ZMYND11: variants seen among roughly 807,000 people sequenced by gnomAD.
The protein encoded by ZMYND11 is zinc finger MYND domain-containing protein 11.
ZMYND11 carries 9 observed loss-of-function variants against 84.9 expected under a neutral mutation model. The observed-to-expected ratio is 0.11, with a 90% CI of 0.06 to 0.18. The LOEUF is 0.18. Among genes scored for constraint, ZMYND11 ranks in the 10% least tolerant of loss-of-function variants. The pLI, the probability that ZMYND11 is intolerant of heterozygous loss-of-function variation, is 1.00. For synonymous variants in ZMYND11, 250 were observed against 244.1 expected (o/e 1.02, Z -0.23); for missense variants, 409 against 761.0 (o/e 0.54, Z 5.44).
intron 3 of ZMYND11, among the ~76,000 whole-genome samples, chr10:216,483 T>A (rs958773461): frequency 1.3e-5 from 2 of 152,226 alleles, no homozygotes; most frequent in African/African-American, 2.4e-5. Context: ...CTTTTGTTAA[T>A]TTTTAATTTT....
At chr10:139,466 G>A (rs1836942686) in intron 1 of ZMYND11, among the ~76,000 whole-genome samples, 1 of 152,136 alleles carries the variant, frequency 6.6e-6, no homozygotes, top group Non-Finnish European at 1.5e-5. Context: ...CAAAACAAAT[G>A]TAAATCTGCT....
chr10:237,243 C>G (rs937124106), intron 5 of ZMYND11, among the ~76,000 whole-genome samples: 1 of 152,152 alleles, frequency 6.6e-6, no homozygotes, highest in Non-Finnish European at 1.5e-5. Context: ...TTCAAAATAA[C>G]TATTCTATCA....
chr10:167,660 A>G (rs531634321), intron 1 of ZMYND11, among the ~76,000 whole-genome samples: 2 of 152,212 alleles, frequency 1.3e-5, no homozygotes, highest in African/African-American at 2.4e-5. Context: ...TCCATGTTCT[A>G]TGCCTGCCAC....
chr10:185,215 T>C (rs1937882224), intron 2 of ZMYND11, among the ~76,000 whole-genome samples: 1 of 152,084 alleles, frequency 6.6e-6, no homozygotes, highest in African/African-American at 2.4e-5. Flanking sequence ...CCTCCTATAC[T>C]CTCTGTTCCA....
intron 10 of ZMYND11, chr10:244,429 G>A (rs1951698277): frequency 6.6e-6 from 1 of 152,242 alleles, no homozygotes; most frequent in Non-Finnish European, 1.5e-5. Context: ...TCCAGCAAAA[G>A]AGTCGAGTAT....
intron 10 of ZMYND11, among the ~76,000 whole-genome samples, chr10:246,027 G>A (rs2131903190): frequency 6.6e-6 from 1 of 152,278 alleles, no homozygotes; most frequent in East Asian, 1.9e-4. Context: ...AACATCTGTT[G>A]AACACAACAT....
At chr10:250,135 G>C (rs1164776251) in intron 14 of ZMYND11, among the ~76,000 whole-genome samples, 2 of 152,238 alleles carry the variant, frequency 1.3e-5, no homozygotes, top group African/African-American at 2.4e-5. Flanking sequence ...TTGAGGAGCT[G>C]ACAAGCTCTG....
At chr10:227,959 A>C (rs1164798193) in intron 4 of ZMYND11, among the ~76,000 whole-genome samples, 1 of 152,194 alleles carries the variant, frequency 6.6e-6, no homozygotes, top group Non-Finnish European at 1.5e-5. Flanking sequence ...ATGAACATTA[A>C]TCAAATATTT....
intron 1 of ZMYND11, among the ~76,000 whole-genome samples, chr10:149,796 A>G (rs1020295264): frequency 1.3e-5 from 2 of 152,206 alleles, no homozygotes; most frequent in African/African-American, 4.8e-5. Context: ...AGAAAGGCTG[A>G]AACAGAGTCT....
intron 2 of ZMYND11, among the ~76,000 whole-genome samples, chr10:187,236 CA>C (rs1041763271): frequency 1.3e-5 from 2 of 151,856 alleles, no homozygotes; most frequent in East Asian, 3.9e-4. Flanking sequence ...AAAACAAAAA[CA>C]AAACGAAACA....
intron 1 of ZMYND11, among the ~76,000 whole-genome samples, chr10:152,708 G>A (rs185809059): frequency 7.1e-4 from 108 of 152,170 alleles, no homozygotes; most frequent in African/African-American, 2.5e-3. Context: ...TGCACCAAGC[G>A]GACCTACTAG....
chr10:240,787 C>A, intron 8 of ZMYND11, 106 bp from the exon 9 acceptor site: 1 of 868,534 alleles, frequency 1.2e-6, no homozygotes, highest in South Asian at 1.8e-5. Context: ...AAACAAAATT[C>A]AACACTATTT....
chr10:237,651 G>T lies in ZMYND11; in HGVS notation c.583G>T (p.Ala195Ser). Residue 195 changes from alanine to serine, a missense_variant, in exon 6 of 15, where the codon GCT (alanine) becomes TCT (serine). Transcript: ENST00000381604. ...GATGTACAGGAGGCTGGTGCACTCAGCTGTGGACGTTCCCACCATTCAAGA... is the reference window on the plus strand; with the variant it reads ...GATGTACAGGAGGCTGGTGCACTCATCTGTGGACGTTCCCACCATTCAAGA... ...HPMYRRLVHS[A>S]VDVPTIQEKV... is the part of the protein sequence containing the mutation. The T allele has an allele frequency of 2.5e-6, 4 of 1,612,450 alleles. No homozygotes were observed. The highest frequency in any genetic ancestry group is 3.4e-6 in the Non-Finnish European group (4 of 1,179,540).
chr10:238,002 T>C (rs1161245622), intron 6 of ZMYND11, among the ~76,000 whole-genome samples: 1 of 152,182 alleles, frequency 6.6e-6, no homozygotes, highest in Non-Finnish European at 1.5e-5. Flanking sequence ...GTAAAGAATG[T>C]TTTCCAGGTT....
At chr10:236,965 T>C in intron 5 of ZMYND11, 50 bp downstream of exon 5, 1 of 1,517,884 alleles carries the variant, frequency 6.6e-7, no homozygotes, top group South Asian at 1.2e-5. Context: ...CACATTTTAC[T>C]ATGGTTCATT....
intron 1 of ZMYND11, among the ~76,000 whole-genome samples, chr10:156,565 T>A (rs1841772725): frequency 6.6e-6 from 1 of 152,234 alleles, no homozygotes; most frequent in Admixed American, 6.5e-5. Flanking sequence ...AGCATAAATA[T>A]GCTATATGCT....
rs371058057 is a variant in ZMYND11 at position 168,618 on chromosome 10, G to A, written c.-19-11376G>A. Among the ~76,000 whole-genome samples the A allele has an allele frequency of 2.2e-4, 34 of 152,098 alleles. 1 individual carries two copies. In the East Asian group the frequency reaches 2.3e-3, roughly 10 times the overall value. On this transcript the variant is annotated intron_variant, in intron 1 of 14. Coordinates refer to ENST00000381604, the MANE Select transcript of ZMYND11 (RefSeq NM_001370100.5). The stretch of plus-strand genomic sequence containing the variant: ...CCATGGTTTACAGCCTGGCATGTAA[G>A]GAGCTCATAAGTAACCATGCTGTCC...
At chr10:186,845 C>T (rs919079772) in intron 2 of ZMYND11, among the ~76,000 whole-genome samples, 6 of 151,934 alleles carry the variant, frequency 3.9e-5, no homozygotes, top group African/African-American at 1.5e-4. Context: ...TTTAACTTGG[C>T]GGAGTTCATA....
intron 1 of ZMYND11, among the ~76,000 whole-genome samples, chr10:175,487 T>C (rs1846397412): frequency 6.6e-6 from 1 of 152,152 alleles, no homozygotes; most frequent in Non-Finnish European, 1.5e-5. Flanking sequence ...GAGAATCACT[T>C]GAACCTGGGA....
Sources: gnomAD v4.1 joint callset for allele counts (sites outside exome capture counted in the v4.1 genomes callset) on GRCh38, gnomAD v4.1.1 for gene constraint, MANE v1.5 for transcripts, NCBI Gene and HGNC (gene_info 2026-07-23, HGNC 2026-07-21) for gene names.